The following SYT16 variants were observed in gnomAD, a reference collection of about 807,000 sequenced individuals.
The protein encoded by SYT16 is synaptotagmin-16.
In SYT16, 42 loss-of-function variants were observed where a neutral mutation model predicts 61.4. The ratio of observed to expected loss-of-function variants is 0.68; its 90% CI spans 0.53 to 0.89. SYT16 has a LOEUF of 0.89. SYT16 is among the 40% of genes least tolerant of loss of function. The probability of loss-of-function intolerance (pLI) is 0.00; values close to 1 mark genes in which losing one functional copy is unlikely to be tolerated. For synonymous variants in SYT16, 314 were observed against 302.3 expected (o/e 1.04, Z -0.40); for missense variants, 804 against 807.3 (o/e 1.00, Z 0.05).
At chr14:61,967,247 C>T (rs1397382519) in intron 1 of SYT16, among the ~76,000 whole-genome samples, 1 of 151,998 alleles carries the variant, frequency 6.6e-6, no homozygotes, top group Non-Finnish European at 1.5e-5. Flanking sequence ...GAATGATGAG[C>T]GATAAAGACT....
rs561821140 is a variant in SYT16, at chr14:62,071,456, C to A, written c.736+1641C>A. Among the ~76,000 whole-genome samples the A allele has an allele frequency of 2.0e-5, 3 of 152,208 alleles. No homozygotes were observed. In the East Asian group the frequency reaches 5.8e-4, roughly 29 times the overall value. On this transcript the variant is annotated intron_variant, in intron 4 of 7. Coordinates refer to ENST00000683842, the MANE Select transcript of SYT16 (RefSeq NM_001367656.1). The stretch of plus-strand genomic sequence containing the variant: ...CTAACTGGCAATTCTGAATTTTAGA[C>A]AGATGGTGATAGAAAAGGTTAAAGA...
intron 3 of SYT16, among the ~76,000 whole-genome samples, chr14:62,006,136 G>A (rs1238319317): frequency 6.6e-6 from 1 of 152,010 alleles, no homozygotes; most frequent in African/African-American, 2.4e-5. Context: ...ATAAAACTAG[G>A]ATATGTGATT....
rs560668748 is a variant in SYT16, at chr14:62,075,525, G to T, written c.993+134G>T. On this transcript the variant is annotated intron_variant, in intron 5 of 7. Coordinates refer to ENST00000683842, the MANE Select transcript of SYT16 (RefSeq NM_001367656.1). ...TTACTTTTATCTGCAATAAATTTTT[G>T]TCCAGATGACCAAAATCCCATGCAT... is the stretch of plus-strand genomic sequence containing the variant. 1.7e-3 allele frequency: 1,797 copies of T among 1,041,914 alleles called. 1 individual carries two copies. The highest frequency in any genetic ancestry group is 5.3e-3 in the Middle Eastern group (15 of 2,818). The allele number at this position is 1,041,914 out of a possible 1,614,324, so 64.5% of individuals were successfully genotyped here.
intron 7 of SYT16, among the ~76,000 whole-genome samples, chr14:62,087,115 G>A (rs573535474): frequency 1.3e-5 from 2 of 152,318 alleles, no homozygotes; most frequent in Admixed American, 1.3e-4. Context: ...TACTTTGACA[G>A]TTACATGGCA....
intron 1 of SYT16, among the ~76,000 whole-genome samples, chr14:61,935,872 A>G (rs2049961488): frequency 1.3e-5 from 2 of 152,218 alleles, no homozygotes; most frequent in Non-Finnish European, 2.9e-5. Flanking sequence ...ATGTGTTTTA[A>G]TAGTACATTT....
intron 3 of SYT16, among the ~76,000 whole-genome samples, chr14:62,041,184 A>G (rs113094490): frequency 0.059 from 8,937 of 152,204 alleles, 403 homozygotes; most frequent in Non-Finnish European, 0.09. Context: ...GCCCACCCAG[A>G]TTAACAGTGG....
intron 1 of SYT16, among the ~76,000 whole-genome samples, chr14:61,938,012 A>G (rs1193249781): frequency 2.1e-5 from 1 of 48,362 alleles, no homozygotes; most frequent in South Asian, 8.1e-4. Flanking sequence ...TGTTGCCCCA[A>G]CCTCCTACCC....
chr14:61,948,143 A>G (rs1471094400), intron 1 of SYT16, among the ~76,000 whole-genome samples: 1 of 152,180 alleles, frequency 6.6e-6, no homozygotes, highest in Non-Finnish European at 1.5e-5. Context: ...GCTTTTAGGT[A>G]TAACCATATC....
At position 62,038,866 on chromosome 14, in the gene SYT16, A is replaced by G. The variant is rs140389664; in HGVS notation, c.524-30737A>G. Among the ~76,000 whole-genome samples the G allele has an allele frequency of 4.3e-3, 656 of 152,346 alleles. 2 individuals are homozygous for G. Among genetic ancestry groups the G allele is most frequent in the African/African-American group, 0.015 (627 of 41,574 alleles). On this transcript the variant is annotated intron_variant, in intron 3 of 7. Transcript: ENST00000683842. ...TATTGTAAGTTTTAAATGGAATATT[A>G]TATGTAACATGAGGAGCACATGATA...
At chr14:62,071,312 A>G (rs2056290833) in intron 4 of SYT16, among the ~76,000 whole-genome samples, 2 of 152,284 alleles carry the variant, frequency 1.3e-5, no homozygotes, top group African/African-American at 2.4e-5. Flanking sequence ...TAATGGCCCC[A>G]TTTCCCAAAA....
At chr14:61,928,408 A>G (rs1445139312) in intron 1 of SYT16, among the ~76,000 whole-genome samples, 1 of 152,204 alleles carries the variant, frequency 6.6e-6, no homozygotes. Flanking sequence ...TCTTGTTTTC[A>G]GCTTTTAACA....
chr14:61,973,266 G>A (rs184646962), intron 2 of SYT16, among the ~76,000 whole-genome samples: 56 of 152,220 alleles, frequency 3.7e-4, no homozygotes, highest in Non-Finnish European at 2.9e-5. Flanking sequence ...ATGCCATTCT[G>A]TCTGGATTTA....
intron 1 of SYT16, among the ~76,000 whole-genome samples, chr14:61,922,770 C>A (rs936180503): frequency 2.6e-5 from 4 of 152,148 alleles, no homozygotes; most frequent in Non-Finnish European, 2.9e-5. Flanking sequence ...TATTTGTAGG[C>A]CAGGCGTGGT....
intron 1 of SYT16, among the ~76,000 whole-genome samples, chr14:61,951,877 C>A (rs887234347): frequency 6.6e-6 from 1 of 152,118 alleles, no homozygotes; most frequent in African/African-American, 2.4e-5. Flanking sequence ...GCAGCCTCAA[C>A]CTCCTAGGCT....
At chr14:61,845,911 T>A (rs562702269) in intron 1 of SYT16, among the ~76,000 whole-genome samples, 1 of 152,352 alleles carries the variant, frequency 6.6e-6, no homozygotes, top group African/African-American at 2.4e-5. Flanking sequence ...ATTTTCAATT[T>A]CCTTCTTAAT....
chr14:61,998,772 A>T (rs1435276558), intron 3 of SYT16, among the ~76,000 whole-genome samples: 3 of 151,836 alleles, frequency 2.0e-5, no homozygotes, highest in Non-Finnish European at 2.9e-5. Context: ...GTCTTTCTCT[A>T]TTATCCTCAG....
intron 2 of SYT16, among the ~76,000 whole-genome samples, chr14:61,990,599 A>G (rs2052506738): frequency 6.6e-6 from 1 of 152,144 alleles, no homozygotes; most frequent in African/African-American, 2.4e-5. Flanking sequence ...GTTAGTTGAT[A>G]ATCCTTTGAA....
At chr14:61,988,295 A>G (rs2052404137) in intron 2 of SYT16, among the ~76,000 whole-genome samples, 1 of 152,222 alleles carries the variant, frequency 6.6e-6, no homozygotes, top group African/African-American at 2.4e-5. Flanking sequence ...TGTGTATCTG[A>G]AAATGGATTT....
At chr14:61,854,540 C>T (rs1238565337) in intron 1 of SYT16, among the ~76,000 whole-genome samples, 1 of 152,152 alleles carries the variant, frequency 6.6e-6, no homozygotes, top group Non-Finnish European at 1.5e-5. Flanking sequence ...TTCCTTTTTT[C>T]ACATGTTCAA....
Sources: gnomAD v4.1 joint callset for allele counts (sites outside exome capture counted in the v4.1 genomes callset) on GRCh38, gnomAD v4.1.1 for gene constraint, MANE v1.5 for transcripts, NCBI Gene and HGNC (gene_info 2026-07-23, HGNC 2026-07-21) for gene names.